Variants in WWOX observed in about 807,000 individuals in gnomAD.
The protein encoded by WWOX is WW domain-containing oxidoreductase.
In WWOX, 69 loss-of-function variants were observed where a neutral mutation model predicts 46.2. The observed-to-expected ratio is 1.49, with a 90% CI of 1.23 to 1.82. WWOX has a LOEUF of 1.82. WWOX is among the 40% of genes most tolerant of loss of function. The pLI is 0.00. For synonymous variants in WWOX, 359 were observed against 202.6 expected (o/e 1.77, Z -6.56); for missense variants, 919 against 542.6 (o/e 1.69, Z -6.89).
chr16:78,433,903 C>T (rs1262122630), intron 8 of WWOX, among the ~76,000 whole-genome samples: 1 of 150,136 alleles, frequency 6.7e-6, no homozygotes, highest in African/African-American at 2.5e-5. Context: ...CATTCTCCTG[C>T]CTCAGCCTCC....
intron 8 of WWOX, among the ~76,000 whole-genome samples, chr16:78,434,385 A>C (rs534632285): frequency 6.6e-6 from 1 of 152,274 alleles, no homozygotes; most frequent in East Asian, 1.9e-4. Context: ...GCATAAGCGC[A>C]GCCTCTTCAT....
intron 4 of WWOX, among the ~76,000 whole-genome samples, chr16:78,162,503 G>C (rs1250016494): frequency 6.7e-6 from 1 of 148,606 alleles, no homozygotes; most frequent in East Asian, 2.0e-4. Context: ...GTACATTTCT[G>C]CTTGTAGCTT....
chr16:78,224,984 A>T (rs552575390), intron 5 of WWOX, among the ~76,000 whole-genome samples: 11 of 152,332 alleles, frequency 7.2e-5, no homozygotes, highest in African/African-American at 2.4e-4. Flanking sequence ...TGTGTTCAGG[A>T]ACTATTTAAA....
chr16:78,638,192 T>A (rs559853219), intron 8 of WWOX, among the ~76,000 whole-genome samples: 2 of 152,304 alleles, frequency 1.3e-5, no homozygotes, highest in African/African-American at 4.8e-5. Flanking sequence ...AAAACAGGAA[T>A]GCTCGATTTG....
chr16:78,821,716 T>A (rs568609149), intron 8 of WWOX, among the ~76,000 whole-genome samples: 1 of 152,282 alleles, frequency 6.6e-6, no homozygotes, highest in East Asian at 1.9e-4. Flanking sequence ...TTGCTGAGCT[T>A]TAAACCCAAG....
intron 4 of WWOX, among the ~76,000 whole-genome samples, chr16:78,119,255 T>A (rs1374127441): frequency 1.3e-5 from 2 of 152,216 alleles, no homozygotes; most frequent in Non-Finnish European, 2.9e-5. Flanking sequence ...TTCAGCACGG[T>A]GAACATTACA....
At chr16:79,079,330 T>C (rs1016910804) in intron 8 of WWOX, among the ~76,000 whole-genome samples, 1 of 152,204 alleles carries the variant, frequency 6.6e-6, no homozygotes, top group African/African-American at 2.4e-5. Context: ...GCCTCTCTTT[T>C]TTTCTTGGGT....
At chr16:79,087,042 G>A (rs1188774628) in intron 8 of WWOX, among the ~76,000 whole-genome samples, 1 of 152,224 alleles carries the variant, frequency 6.6e-6, no homozygotes, top group East Asian at 1.9e-4. Flanking sequence ...ATCTGCTCCT[G>A]ATGGACAGCT....
Position 78,321,316 on chromosome 16 carries a change from G to A in WWOX, c.517-65544G>A, listed in dbSNP as rs1265225107. The stretch of plus-strand genomic sequence containing the variant: ...CGTATATATATACGTATATATATGC[G>A]TATATATATACGTATATATGCGTAT... On this transcript the variant is annotated intron_variant, in intron 5 of 8. Transcript: ENST00000566780. 8.0e-5 allele frequency among the ~76,000 whole-genome samples: 8 copies of A among 100,066 alleles called. No homozygotes were observed. The East Asian group carries it at 9.5e-4, about 12-fold the overall frequency. 65.6% of individuals were successfully genotyped at this position (100,066 alleles called of 152,430 possible).
chr16:78,906,302 C>G (rs544877761), intron 8 of WWOX, among the ~76,000 whole-genome samples: 5 of 152,186 alleles, frequency 3.3e-5, no homozygotes, highest in Non-Finnish European at 5.9e-5. Context: ...AGGAAAGCCT[C>G]TTGGCCTTGA....
intron 8 of WWOX, among the ~76,000 whole-genome samples, chr16:78,614,420 G>T (rs1017348932): frequency 1.3e-5 from 2 of 152,196 alleles, no homozygotes; most frequent in African/African-American, 4.8e-5. Context: ...CCTTTGAGCC[G>T]GGGCCCTGAG....
intron 8 of WWOX, among the ~76,000 whole-genome samples, chr16:78,908,878 C>T (rs2045036298): frequency 6.6e-6 from 1 of 152,188 alleles, no homozygotes; most frequent in Non-Finnish European, 1.5e-5. Context: ...GTGACATTAT[C>T]CCCTGGAGCA....
chr16:78,425,511 A>G (rs2083055253), intron 7 of WWOX, among the ~76,000 whole-genome samples: 1 of 152,234 alleles, frequency 6.6e-6, no homozygotes, highest in African/African-American at 2.4e-5. Flanking sequence ...AATTGTGGAA[A>G]GGGAAGAACT....
intron 8 of WWOX, among the ~76,000 whole-genome samples, chr16:78,570,287 C>G (rs1028092470): frequency 6.6e-6 from 1 of 152,084 alleles, no homozygotes; most frequent in Admixed American, 6.6e-5. Context: ...GTTTCACCAC[C>G]AAATCCTTTC....
At chr16:78,916,875 C>G (rs1465807279) in intron 8 of WWOX, among the ~76,000 whole-genome samples, 1 of 152,152 alleles carries the variant, frequency 6.6e-6, no homozygotes, top group Non-Finnish European at 1.5e-5. Context: ...TTCATTCAAA[C>G]AGGCTTAATT....
intron 3 of WWOX, among the ~76,000 whole-genome samples, chr16:78,112,780 G>T (rs939560727): frequency 3.3e-5 from 5 of 150,008 alleles, no homozygotes; most frequent in African/African-American, 1.2e-4. Context: ...GCTCGCTGCA[G>T]CCTCAACCTC....
chr16:79,076,580 C>G (rs1357908362), intron 8 of WWOX, among the ~76,000 whole-genome samples: 4 of 152,196 alleles, frequency 2.6e-5, no homozygotes, highest in Admixed American at 6.5e-5. Flanking sequence ...TGGACCTCAG[C>G]CTATCCAGGC....
At chr16:78,623,814 A>T (rs1433856726) in intron 8 of WWOX, among the ~76,000 whole-genome samples, 1 of 152,188 alleles carries the variant, frequency 6.6e-6, no homozygotes, top group Non-Finnish European at 1.5e-5. Flanking sequence ...GAAGAAAATA[A>T]TATACATACA....
chr16:78,420,165 C>G (rs754127224), intron 6 of WWOX, among the ~76,000 whole-genome samples: 2 of 151,922 alleles, frequency 1.3e-5, no homozygotes, highest in Non-Finnish European at 2.9e-5. Context: ...ACAGTCCTGG[C>G]GGAAATGTAA....
Sources: allele counts gnomAD v4.1 joint callset (sites outside exome capture counted in the v4.1 genomes callset), GRCh38; gene constraint gnomAD v4.1.1; transcripts MANE v1.5; gene names NCBI Gene and HGNC (gene_info 2026-07-23, HGNC 2026-07-21).